Variants in PANK1 observed in about 807,000 individuals in gnomAD.
PANK1 encodes the protein pantothenate kinase 1.
In PANK1, 18 loss-of-function variants were observed where a neutral mutation model predicts 40.1. The ratio of observed to expected loss-of-function variants is 0.45; its 90% CI spans 0.31 to 0.67. The LOEUF is 0.67. Among genes scored for constraint, PANK1 ranks in the 30% least tolerant of loss-of-function variants. PANK1 has a pLI of 0.06. For missense variants in PANK1, 457 were observed against 599.6 expected, an observed-to-expected ratio of 0.76 and a Z score of 2.48; for synonymous variants, 242 against 237.7, an observed-to-expected ratio of 1.02 and a Z score of -0.17.
chr10:89,596,522 G>C lies in PANK1; in HGVS notation c.900-2533C>G, dbSNP rs368936485. ...TGAGTGCACTGCAGATAGGAGGAAA[G>C]AATGCATGGCTGCAGAAGAGCCAAA... On this transcript the variant is annotated intron_variant, in intron 3 of 6. Coordinates refer to ENST00000307534, the MANE Select transcript of PANK1 (RefSeq NM_148977.3). Among the ~76,000 whole-genome samples the C allele has an allele frequency of 1.1e-4, 16 of 152,330 alleles. No homozygotes were observed. The East Asian group carries it at 2.3e-3, about 22-fold the overall frequency.
At position 89,585,492 on chromosome 10, in the gene PANK1, T is replaced by TTGC. The variant is rs924301429; in HGVS notation, c.1327-1030_1327-1028dup. 4.4e-3 allele frequency among the ~76,000 whole-genome samples: 669 copies of TTGC among 152,176 alleles called. 2 individuals carry two copies. The highest frequency in any genetic ancestry group is 0.014 in the African/African-American group (565 of 41,524). On this transcript the variant is annotated intron_variant, in intron 6 of 6. Transcript: ENST00000307534. Reference sequence around the variant, plus strand: ...AGTGTGGCAGGATGTGGATGGATCTTTGCTGCTGCTGCTGCTGCTGTCTGC... The same window carrying TTGC: ...AGTGTGGCAGGATGTGGATGGATCTTTGCTGCTGCTGCTGCTGCTGCTGTCTGC...
rs762326668 is a variant in PANK1 at position 89,645,089 on chromosome 10, C to T, written c.-198G>A. On this transcript the variant is annotated 5_prime_UTR_variant, in exon 1 of 7. Coordinates refer to ENST00000307534, the MANE Select transcript of PANK1 (RefSeq NM_148977.3). ...CCCACCTCCTCTGCGCCCTGCCCCC[C>T]GCGCGCCGGCCCCACGGCGCCGGCC... 2 of 1,494,844 alleles carry T rather than the reference C, an allele frequency of 1.3e-6. No homozygotes were observed. The highest frequency in any genetic ancestry group is 2.6e-5 in the Admixed American group (1 of 39,002). The allele number at this position is 1,494,844 out of a possible 1,614,324, so 92.6% of individuals were successfully genotyped here. A position where few individuals can be genotyped will look rare whatever the true frequency, so the allele number is the denominator to read the frequency against.
At chr10:89,615,149 A>T (rs370103276) in intron 1 of PANK1, among the ~76,000 whole-genome samples, 110 of 152,342 alleles carry the variant, frequency 7.2e-4, no homozygotes, top group African/African-American at 2.6e-3. Context: ...GTAAAAGCAG[A>T]TAATAAAAAA....
intron 1 of PANK1, among the ~76,000 whole-genome samples, chr10:89,621,791 G>A (rs531912213): frequency 3.9e-5 from 6 of 152,352 alleles, no homozygotes; most frequent in African/African-American, 1.4e-4. Flanking sequence ...TCGGCTCACT[G>A]CAACCTCAAC....
At position 89,619,389 on chromosome 10, in the gene PANK1, A is replaced by G. The variant is rs114005174; in HGVS notation, c.293-7341T>C. 7.2e-3 allele frequency among the ~76,000 whole-genome samples: 1,099 copies of G among 152,326 alleles called. 10 individuals are homozygous for G. Among genetic ancestry groups the G allele is most frequent in the African/African-American group, 0.026 (1,061 of 41,568 alleles). On this transcript the variant is annotated intron_variant, in intron 1 of 6. Coordinates refer to ENST00000307534, the MANE Select transcript of PANK1 (RefSeq NM_148977.3). ...TGAGCAAAGACATGAGGTGAAAAAA[A>G]CTGAAAAGATTTTCTATCAATCGAG...
At chr10:89,621,713 C>T (rs1845491934) in intron 1 of PANK1, among the ~76,000 whole-genome samples, 1 of 151,306 alleles carries the variant, frequency 6.6e-6, no homozygotes, top group African/African-American at 2.4e-5. Context: ...ATTTACTTGT[C>T]TTTATTTTTA....
At chr10:89,589,155 C>G (rs1253475132) in intron 5 of PANK1, among the ~76,000 whole-genome samples, 4 of 152,092 alleles carry the variant, frequency 2.6e-5, no homozygotes, top group Non-Finnish European at 5.9e-5. Context: ...ATAAAATACT[C>G]TTATAACCAA....
intron 6 of PANK1, among the ~76,000 whole-genome samples, chr10:89,586,952 C>A (rs1000398815): frequency 1.1e-4 from 16 of 151,950 alleles, no homozygotes; most frequent in Non-Finnish European, 2.1e-4. Context: ...CATGGTGAAA[C>A]CCTCTACTAA....
intron 1 of PANK1, among the ~76,000 whole-genome samples, chr10:89,637,643 G>C (rs1250413060): frequency 1.3e-5 from 2 of 152,212 alleles, no homozygotes; most frequent in African/African-American, 2.4e-5. Context: ...GGGTGAGTGA[G>C]TGGTGAGTAA....
At chr10:89,593,035 C>T (rs536943007) in intron 5 of PANK1, among the ~76,000 whole-genome samples, 162 bp downstream of exon 5, 1 of 152,218 alleles carries the variant, frequency 6.6e-6, no homozygotes, top group South Asian at 2.1e-4. Flanking sequence ...TATATTCCTC[C>T]CCCTCCCCCA....
intron 2 of PANK1, among the ~76,000 whole-genome samples, chr10:89,606,591 A>G (rs1158457243): frequency 6.7e-6 from 1 of 149,052 alleles, no homozygotes; most frequent in Non-Finnish European, 1.5e-5. Context: ...TGGCACAATC[A>G]TAGCTCACTG....
chr10:89,608,727 C>A (rs950119411), intron 2 of PANK1, among the ~76,000 whole-genome samples: 1 of 152,176 alleles, frequency 6.6e-6, no homozygotes, highest in African/African-American at 2.4e-5. Flanking sequence ...TATACAATAA[C>A]AATAACAGGA....
chr10:89,596,251 A>T (rs977473850), intron 3 of PANK1, among the ~76,000 whole-genome samples: 83 of 152,252 alleles, frequency 5.5e-4, no homozygotes, highest in African/African-American at 1.9e-3. Context: ...TAGCTTCTAA[A>T]TATCTGTCAT....
chr10:89,617,899 C>A (rs1340075744), intron 1 of PANK1, among the ~76,000 whole-genome samples: 1 of 152,188 alleles, frequency 6.6e-6, no homozygotes, highest in Non-Finnish European at 1.5e-5. Flanking sequence ...CAATCTCACA[C>A]CTAAAACAGC....
intron 2 of PANK1, among the ~76,000 whole-genome samples, chr10:89,606,350 C>G (rs988044217): frequency 6.6e-6 from 1 of 152,240 alleles, no homozygotes; most frequent in East Asian, 1.9e-4. Context: ...TTCATCTATA[C>G]TGGAAATCTG....
chr10:89,614,364 C>T (rs927836724), intron 1 of PANK1, among the ~76,000 whole-genome samples: 10 of 152,136 alleles, frequency 6.6e-5, no homozygotes, highest in African/African-American at 1.4e-4. Flanking sequence ...GAATGTTCAC[C>T]GCAGCATCTT....
chr10:89,586,414 G>A (rs927832425), intron 6 of PANK1, among the ~76,000 whole-genome samples: 20 of 152,176 alleles, frequency 1.3e-4, no homozygotes, highest in Admixed American at 3.9e-4. Context: ...GTAGGGAGTG[G>A]AGGTTCTGGG....
intron 1 of PANK1, among the ~76,000 whole-genome samples, chr10:89,633,247 G>C (rs1245349404): frequency 6.6e-6 from 1 of 152,118 alleles, no homozygotes; most frequent in Non-Finnish European, 1.5e-5. Flanking sequence ...GTATAAGTTG[G>C]CTTTAGCACA....
chr10:89,610,096 T>C (rs890375769), intron 2 of PANK1, among the ~76,000 whole-genome samples: 5 of 152,222 alleles, frequency 3.3e-5, no homozygotes, highest in African/African-American at 9.7e-5. Flanking sequence ...TAGAAGCTTT[T>C]GATCTCTCTG....
Sources: allele counts gnomAD v4.1 joint callset (sites outside exome capture counted in the v4.1 genomes callset), GRCh38; gene constraint gnomAD v4.1.1; transcripts MANE v1.5; gene names NCBI Gene and HGNC (gene_info 2026-07-23, HGNC 2026-07-21).